CSN3: variants seen among roughly 807,000 people sequenced by gnomAD.
CSN3 encodes casein kappa.
In CSN3, 7 loss-of-function variants were observed where a neutral mutation model predicts 9.9. The ratio of observed to expected loss-of-function variants is 0.71; its 90% CI spans 0.40 to 1.33. The LOEUF is 1.33. Ranked by LOEUF, CSN3 falls within the 40% of genes most tolerant of loss-of-function variation. The pLI is 0.01. For missense variants in CSN3, 253 were observed against 227.9 expected (o/e 1.11, Z -0.71); for synonymous variants, 88 against 82.3 (o/e 1.07, Z -0.37).
chr4:70,245,149 A>G (rs62308380), intron 2 of CSN3, among the ~76,000 whole-genome samples: 17,248 of 152,114 alleles, frequency 0.11, 1,291 homozygotes, highest in East Asian at 0.27. Flanking sequence ...AAATACATTC[A>G]GGGGAAAAAC....
exon 3 of CSN3, chr4:70,247,829 T>C: frequency 6.3e-7 from 1 of 1,597,590 alleles, no homozygotes; most frequent in Admixed American, 1.8e-5. Context: ...CTGTGGAGGT[T>C]CAAAACCAGA....
At chr4:70,241,649 AAT>A (rs1730272160), upstream of CSN3, among the ~76,000 whole-genome samples, 1 of 152,018 alleles carries the variant, frequency 6.6e-6, no homozygotes, top group African/African-American at 2.4e-5. Flanking sequence ...AAATATTCTC[AAT>A]GTCAGTGGGT....
chr4:70,250,645 G>A (rs1730464709), intron 4 of CSN3, among the ~76,000 whole-genome samples: 1 of 152,088 alleles, frequency 6.6e-6, no homozygotes. Context: ...GTAACCATAT[G>A]AAACAGATAT....
At chr4:70,243,286 T>C (rs1730307980) in intron 1 of CSN3, 1 of 324,160 alleles carries the variant, frequency 3.1e-6, no homozygotes, top group African/African-American at 2.3e-5. Context: ...CATTTTACTG[T>C]GTGAACTGAT....
At chr4:70,248,916 T>C (rs1730428770) in intron 3 of CSN3, 82 bp from the exon 4 acceptor site, 1 of 990,124 alleles carries the variant, frequency 1.0e-6, no homozygotes, top group Admixed American at 2.6e-5. Flanking sequence ...AATACTATAT[T>C]ATTTCAAAAA....
At chr4:70,243,178 T>C in intron 1 of CSN3, 1 of 979,520 alleles carries the variant, frequency 1.0e-6, no homozygotes, top group Non-Finnish European at 1.2e-6. Context: ...AATGCAAATG[T>C]AGCTGATGCG....
chr4:70,241,212 G>A (rs569671333), upstream of CSN3, among the ~76,000 whole-genome samples: 1 of 152,046 alleles, frequency 6.6e-6, no homozygotes, highest in East Asian at 1.9e-4. Context: ...AAAACACTGT[G>A]ACTAAATAGT....
rs576147650 is a variant in CSN3, at chr4:70,249,866, G to A, written c.*34+373G>A. Among the ~76,000 whole-genome samples, 990 of 152,254 alleles carry A rather than the reference G, an allele frequency of 6.5e-3. 5 individuals are homozygous for A. Among genetic ancestry groups the A allele is most frequent in the African/African-American group, 0.023 (951 of 41,538 alleles). ...GATATTTCAAAAATAATTTTTAGAAGAAGTTATATAGAATATGAGTTTGAG... is the reference window on the plus strand; with the variant it reads ...GATATTTCAAAAATAATTTTTAGAAAAAGTTATATAGAATATGAGTTTGAG... On this transcript the variant is annotated intron_variant, in intron 4 of 4. Coordinates refer to ENST00000304954, the Ensembl canonical transcript of CSN3.
intron 1 of CSN3, 137 bp from the exon 2 acceptor site, chr4:70,244,670 TTAAAA>T (rs1164898730): frequency 2.5e-6 from 1 of 406,644 alleles, no homozygotes; most frequent in African/African-American, 2.1e-5. Flanking sequence ...CATTCTTTTG[TTAAAA>T]TAAATTTTTC....
chr4:70,249,001 C>T (rs1730430478), exon 4 of CSN3: 1 of 1,575,784 alleles, frequency 6.3e-7, no homozygotes, highest in South Asian at 1.1e-5. Context: ...TTTGCAGTGC[C>T]ATGAGAATGA....
At chr4:70,243,174 A>T (rs1730306343) in intron 1 of CSN3, 1 of 979,486 alleles carries the variant, frequency 1.0e-6, no homozygotes, top group African/African-American at 1.7e-5. Flanking sequence ...GGCAAATGCA[A>T]ATGTAGCTGA....
chr4:70,243,857 T>C (rs976741845), intron 1 of CSN3, among the ~76,000 whole-genome samples: 1 of 152,104 alleles, frequency 6.6e-6, no homozygotes, highest in Non-Finnish European at 1.5e-5. Context: ...TTGTCATCTC[T>C]ATACTTCTTA....
rs191773036 is a variant in CSN3 at position 70,248,697 on chromosome 4, T to C, written c.88-301T>C. 2.7e-3 allele frequency among the ~76,000 whole-genome samples: 418 copies of C among 152,208 alleles called. 2 individuals are homozygous for C. Among genetic ancestry groups the C allele is most frequent in the African/African-American group, 9.6e-3 (398 of 41,540 alleles). On this transcript the variant is annotated intron_variant, in intron 3 of 4. Coordinates refer to ENST00000304954, the Ensembl canonical transcript of CSN3. ...TACCTACAATAGCTAACATATAAGATCACTTTCCATATATGCCAATCTCTG... is the reference window on the plus strand; with the variant it reads ...TACCTACAATAGCTAACATATAAGACCACTTTCCATATATGCCAATCTCTG...
chr4:70,245,710 A>C (rs1730364559), intron 2 of CSN3, among the ~76,000 whole-genome samples: 1 of 152,134 alleles, frequency 6.6e-6, no homozygotes. Context: ...GAATCTCTGT[A>C]ATATTTATTT....
chr4:70,250,169 A>C (rs1236453116), intron 4 of CSN3, among the ~76,000 whole-genome samples: 2 of 152,374 alleles, frequency 1.3e-5, no homozygotes, highest in Non-Finnish European at 2.9e-5. Flanking sequence ...TAATGGCAGA[A>C]TATAAAATAA....
chr4:70,250,100 G>C (rs1577834289), intron 4 of CSN3, among the ~76,000 whole-genome samples: 1 of 152,186 alleles, frequency 6.6e-6, no homozygotes. Context: ...ATATTAAAAG[G>C]ATACTTTCAG....
chr4:70,247,482 A>G (rs970360001), intron 2 of CSN3, among the ~76,000 whole-genome samples: 1 of 152,174 alleles, frequency 6.6e-6, no homozygotes, highest in African/African-American at 2.4e-5. Context: ...ATGTATATTT[A>G]ATAAAAACTA....
At chr4:70,246,050 A>G (rs1386864228) in intron 2 of CSN3, among the ~76,000 whole-genome samples, 7 of 151,644 alleles carry the variant, frequency 4.6e-5, no homozygotes. Context: ...TTCAGGCCTC[A>G]GGGACATGAA....
At chr4:70,238,458 A>G (rs746491295), upstream of CSN3, among the ~76,000 whole-genome samples, 4 of 151,912 alleles carry the variant, frequency 2.6e-5, no homozygotes, top group African/African-American at 4.8e-5. Flanking sequence ...AAGTTAAGGT[A>G]AGATGGATAA....
Sources: gnomAD v4.1 joint callset for allele counts (sites outside exome capture counted in the v4.1 genomes callset) on GRCh38, gnomAD v4.1.1 for gene constraint, MANE v1.5 for transcripts, NCBI Gene and HGNC (gene_info 2026-07-23, HGNC 2026-07-21) for gene names.